The following COP1 variants were observed in gnomAD, a reference collection of about 807,000 sequenced individuals.
The protein encoded by COP1 is COP1 E3 ubiquitin ligase, also known as E3 ubiquitin-protein ligase COP1.
A neutral mutation model predicts 101.3 loss-of-function variants in COP1; 24 were observed. That is an observed-to-expected ratio of 0.24 (90% CI 0.17 to 0.33). The LOEUF (loss-of-function observed/expected upper bound fraction) is 0.33, where lower values mean the gene tolerates loss of function less well. Among genes scored for constraint, COP1 ranks in the 10% least tolerant of loss-of-function variants. COP1 has a pLI of 1.00. For synonymous variants in COP1, 347 were observed against 341.9 expected (o/e 1.01, Z -0.17); for missense variants, 663 against 906.2 (o/e 0.73, Z 3.45).
At chr1:175,983,000 T>C (rs1277072704) in intron 18 of COP1, among the ~76,000 whole-genome samples, 1 of 152,160 alleles carries the variant, frequency 6.6e-6, no homozygotes. Context: ...ATGTAGTGGA[T>C]ATTTCAATAT....
At chr1:176,143,123 C>CAAGAGAGAGAGA (rs149024348) in intron 6 of COP1, among the ~76,000 whole-genome samples, 11 of 146,724 alleles carry the variant, frequency 7.5e-5, no homozygotes, top group Admixed American at 3.4e-4. Context: ...ACAGAACAAG[C>CAAGAGAGAGAGA]GAGAGAGAGA....
intron 15 of COP1, among the ~76,000 whole-genome samples, chr1:176,001,376 T>A (rs1434430445): frequency 6.6e-6 from 1 of 152,148 alleles, no homozygotes; most frequent in Non-Finnish European, 1.5e-5. Flanking sequence ...TTTCAGCGAT[T>A]GAGTATAGTA....
chr1:176,165,135 G>A (rs1694897292), intron 3 of COP1, among the ~76,000 whole-genome samples: 1 of 152,120 alleles, frequency 6.6e-6, no homozygotes, highest in African/African-American at 2.4e-5. Flanking sequence ...ACTCAGACTA[G>A]CAAGACAGAT....
At chr1:176,178,349 A>AT (rs35994704) in intron 2 of COP1, among the ~76,000 whole-genome samples, 44,078 of 150,848 alleles carry the variant, frequency 0.29, 7,636 homozygotes, top group Middle Eastern at 0.38. Flanking sequence ...AAAAAAAAAA[A>AT]AATAATAATA....
chr1:176,165,111 C>A (rs1036351182), intron 3 of COP1, among the ~76,000 whole-genome samples: 2 of 152,062 alleles, frequency 1.3e-5, no homozygotes, highest in African/African-American at 4.8e-5. Context: ...AGACACAATC[C>A]AAGGTCTCAA....
intron 3 of COP1, among the ~76,000 whole-genome samples, chr1:176,175,234 G>A (rs780496218): frequency 7.2e-5 from 11 of 152,050 alleles, no homozygotes; most frequent in Admixed American, 4.6e-4. Flanking sequence ...CACTTCTGCC[G>A]CAAAAGCAGA....
At chr1:176,005,513 A>G (rs1229682515) in intron 15 of COP1, among the ~76,000 whole-genome samples, 1 of 152,078 alleles carries the variant, frequency 6.6e-6, no homozygotes, top group Non-Finnish European at 1.5e-5. Flanking sequence ...CCCTCTACAC[A>G]CTGCTTTGAA....
intron 1 of COP1, among the ~76,000 whole-genome samples, chr1:176,203,397 T>C (rs960088094): frequency 6.6e-6 from 1 of 152,212 alleles, no homozygotes; most frequent in African/African-American, 2.4e-5. Context: ...TGCAAACGTA[T>C]ACTTCTGCTG....
chr1:175,989,491 C>CA lies in COP1; in HGVS notation c.1730-13dup, dbSNP rs1173300905. 5.9e-6 allele frequency: 8 copies of CA among 1,354,962 alleles called. No individual in the cohort carries two copies. The Middle Eastern group carries it at 5.4e-4, about 92-fold the overall frequency. 83.9% of individuals were successfully genotyped at this position (1,354,962 alleles called of 1,614,324 possible). ...GTGGACACAGTGATCTAAAACAAAA[C>CA]AAAATTAGATAAATGTAGTAAATGC... is the stretch of plus-strand genomic sequence containing the variant. On this transcript the variant is annotated splice_polypyrimidine_tract_variant and intron_variant, in intron 15 of 19. Coordinates refer to ENST00000367669, the MANE Select transcript of COP1 (RefSeq NM_022457.7).
At chr1:176,002,089 G>T (rs958528070) in intron 15 of COP1, among the ~76,000 whole-genome samples, 3 of 151,866 alleles carry the variant, frequency 2.0e-5, no homozygotes, top group African/African-American at 7.3e-5. Flanking sequence ...TATCTACTTG[G>T]GGTTTATTGA....
At chr1:176,053,514 T>A (rs755228327) in intron 11 of COP1, among the ~76,000 whole-genome samples, 1 of 152,232 alleles carries the variant, frequency 6.6e-6, no homozygotes, top group African/African-American at 2.4e-5. Flanking sequence ...ATGATTAATA[T>A]CCTGGTCTAT....
At chr1:176,189,798 AAACAAAC>A (rs1389814140) in intron 1 of COP1, among the ~76,000 whole-genome samples, 1 of 149,444 alleles carries the variant, frequency 6.7e-6, no homozygotes, top group Non-Finnish European at 1.5e-5. Context: ...AATATGACCA[AAACAAAC>A]AACAATCATA....
chr1:176,087,312 T>C lies in COP1; in HGVS notation c.1027-1422A>G, dbSNP rs1175052582. ...AAAGCAAAAGAAACTATCATCAGAG[T>C]GAACAGGCAACCTACAGAATGGGAG... On this transcript the variant is annotated intron_variant, in intron 9 of 19. Coordinates refer to ENST00000367669, the MANE Select transcript of COP1 (RefSeq NM_022457.7). Among the ~76,000 whole-genome samples, 13 of 152,080 alleles carry C rather than the reference T, an allele frequency of 8.5e-5. 1 individual carries two copies. Among genetic ancestry groups the C allele is most frequent in the Admixed American group, 7.9e-4 (12 of 15,262 alleles).
intron 6 of COP1, among the ~76,000 whole-genome samples, chr1:176,140,759 GATA>G (rs1294878917): frequency 3.9e-5 from 6 of 152,164 alleles, no homozygotes; most frequent in Non-Finnish European, 7.3e-5. Context: ...AATTAGGAAT[GATA>G]ATAAACTCCT....
At chr1:176,127,363 TC>T (rs1223202306) in intron 8 of COP1, among the ~76,000 whole-genome samples, 1 of 152,146 alleles carries the variant, frequency 6.6e-6, no homozygotes, top group Non-Finnish European at 1.5e-5. Context: ...CCCATCCACC[TC>T]TAATCTCTGT....
chr1:176,187,311 C>T (rs1047811852), intron 1 of COP1, among the ~76,000 whole-genome samples: 11 of 151,928 alleles, frequency 7.2e-5, no homozygotes, highest in African/African-American at 2.4e-4. Context: ...TACATACACA[C>T]ATATATACAC....
intron 3 of COP1, among the ~76,000 whole-genome samples, chr1:176,173,803 C>G (rs1696490371): frequency 6.6e-6 from 1 of 151,584 alleles, no homozygotes; most frequent in African/African-American, 2.4e-5. Flanking sequence ...GCCTATCCAA[C>G]ATGGTGAAAC....
At chr1:176,110,204 C>A (rs957585209) in intron 9 of COP1, among the ~76,000 whole-genome samples, 1 of 152,164 alleles carries the variant, frequency 6.6e-6, no homozygotes, top group African/African-American at 2.4e-5. Context: ...TAACATATAT[C>A]CTTTGATGCA....
rs147162629 is a variant in COP1 at position 176,196,441 on chromosome 1, C to A, written c.407+10131G>T. ...AAAGATGGGACACCATTAACAAATCCAAGACATTAAAAGAATAAGGGGTAT... is the reference window on the plus strand; with the variant it reads ...AAAGATGGGACACCATTAACAAATCAAAGACATTAAAAGAATAAGGGGTAT... On this transcript the variant is annotated intron_variant, in intron 1 of 19. Transcript: ENST00000367669. Among the ~76,000 whole-genome samples the A allele has an allele frequency of 2.5e-3, 379 of 152,022 alleles. 3 individuals are homozygous for A. The highest frequency in any genetic ancestry group is 8.8e-3 in the African/African-American group (364 of 41,484).
Sources: allele counts gnomAD v4.1 joint callset (sites outside exome capture counted in the v4.1 genomes callset), GRCh38; gene constraint gnomAD v4.1.1; transcripts MANE v1.5; gene names NCBI Gene and HGNC (gene_info 2026-07-23, HGNC 2026-07-21).